SPEF2: variants seen among roughly 807,000 people sequenced by gnomAD.
SPEF2 encodes the protein sperm flagellar and cilia associated 2, also known as sperm flagella and cilia-associated protein 2.
Under a neutral mutation model 224.6 loss-of-function variants are expected in SPEF2, and 187 were observed. The ratio of observed to expected loss-of-function variants is 0.83; its 90% CI spans 0.74 to 0.94. The LOEUF (loss-of-function observed/expected upper bound fraction) is 0.94, where lower values mean the gene tolerates loss of function less well. SPEF2 is among the 40% of genes least tolerant of loss of function. The probability of loss-of-function intolerance (pLI) is 0.00; values close to 1 mark genes in which losing one functional copy is unlikely to be tolerated. For synonymous variants in SPEF2, 715 were observed against 707.3 expected (o/e 1.01, Z -0.17); for missense variants, 2,170 against 2,135.6 (o/e 1.02, Z -0.32).
intron 25 of SPEF2, 122 bp downstream of exon 25, chr5:35,759,841 C>A: frequency 1.0e-6 from 1 of 989,354 alleles, no homozygotes; most frequent in Non-Finnish European, 1.4e-6. Flanking sequence ...CAAAAAAGCT[C>A]TAATAACCAA....
rs576319777 is a variant in SPEF2 at position 35,691,084 on chromosome 5, A to G, written c.1572A>G (p.Leu524=). 3 of 1,614,064 alleles carry G rather than the reference A, an allele frequency of 1.9e-6. No homozygotes were observed. The highest frequency in any genetic ancestry group is 3.3e-5 in the Admixed American group (2 of 60,010). ...WALPEEMVDN[L]PPSNNCILGH... Reference sequence around the variant, plus strand: ...TACCAGAAGAAATGGTTGACAATTTACCACCCTCCAACAATTGCATACTGG... The same window carrying G: ...TACCAGAAGAAATGGTTGACAATTTGCCACCCTCCAACAATTGCATACTGG... The change falls in exon 11 of 37, where the codon TTA becomes TTG. Residue 524 remains leucine, a synonymous_variant. Transcript: ENST00000356031.
At chr5:35,782,768 A>G (rs1372080628) in intron 30 of SPEF2, among the ~76,000 whole-genome samples, 1 of 151,572 alleles carries the variant, frequency 6.6e-6, no homozygotes, top group East Asian at 1.9e-4. Context: ...AGCCCTTACT[A>G]AAGATAACAT....
At position 35,697,322 on chromosome 5, in the gene SPEF2, T is replaced by G. The variant is rs569865679; in HGVS notation, c.2038-368T>G. ...AATTTGACCATGGAAAGATGAGAAC[T>G]TCACTGGTCAAGGGCCATGTTTATA... On this transcript the variant is annotated intron_variant, in intron 14 of 36. Transcript: ENST00000356031. Among the ~76,000 whole-genome samples, 14 of 152,284 alleles carry G rather than the reference T, an allele frequency of 9.2e-5. No individual in the cohort carries two copies. The South Asian group carries it at 2.9e-3, about 32-fold the overall frequency.
intron 1 of SPEF2, among the ~76,000 whole-genome samples, chr5:35,621,920 T>G (rs542183031): frequency 6.6e-6 from 1 of 152,314 alleles, no homozygotes; most frequent in East Asian, 1.9e-4. Flanking sequence ...CCTACAGTAC[T>G]TAGGGAAGCC....
In SPEF2 at chr5:35,806,775, A is replaced by G; in HGVS notation, c.5079A>G (p.Glu1693=). The stretch of plus-strand genomic sequence containing the variant: ...CTGAGGAAAATGCTGCAAGAGAAGA[A>G]AGGAAATTAAAAGACGACACGGAGA... ...PEPEENAARE[E]RKLKDDTEKR... is the part of the protein sequence containing the mutation. Residue 1693 remains glutamate (E), a synonymous_variant, in exon 35 of 37, where the codon GAA becomes GAG. Coordinates refer to ENST00000356031, the MANE Select transcript of SPEF2 (RefSeq NM_024867.4). The G allele has an allele frequency of 1.2e-6, 2 of 1,614,046 alleles. No individual in the cohort carries two copies. Among genetic ancestry groups the G allele is most frequent in the Non-Finnish European group, 1.7e-6 (2 of 1,179,970 alleles).
intron 36 of SPEF2, 54 bp downstream of exon 36, chr5:35,807,307 C>G (rs1561396280): frequency 4.5e-6 from 7 of 1,567,458 alleles, no homozygotes; most frequent in Non-Finnish European, 3.4e-6. Context: ...TCAGGACATG[C>G]TAGGATGTTT....
At chr5:35,670,674 T>C (rs1475411269) in intron 10 of SPEF2, 1 of 985,684 alleles carries the variant, frequency 1.0e-6, no homozygotes, top group East Asian at 1.1e-4. Context: ...ATTCAAACAA[T>C]CTTTTATTCA....
intron 24 of SPEF2, among the ~76,000 whole-genome samples, chr5:35,755,634 A>G (rs183821650): frequency 2.0e-5 from 3 of 152,212 alleles, no homozygotes; most frequent in African/African-American, 7.2e-5. Context: ...CTTCACAACA[A>G]GTTTTCACTC....
intron 23 of SPEF2, among the ~76,000 whole-genome samples, chr5:35,749,902 A>G (rs1226200055): frequency 6.6e-6 from 1 of 152,120 alleles, no homozygotes; most frequent in East Asian, 1.9e-4. Context: ...CCAAAGCAAG[A>G]CTAAGCAAAA....
In SPEF2 at chr5:35,806,824, A is replaced by G. The variant is rs770259876; in HGVS notation, c.5128A>G (p.Ile1710Val). Residue 1710 changes from isoleucine to valine, a missense_variant, in exon 35 of 37, where the codon ATC (isoleucine) becomes GTC (valine). By Grantham distance (29) the Ile-to-Val change is conservative. Transcript: ENST00000356031. The part of the protein sequence containing the change: ...TEKREQKDEE[I>V]PENANNEKMS... ...GAAAAGGGAACAGAAGGATGAAGAAATCCCTGAAAATGCAAACAATGAAAA... is the reference window on the plus strand; with the variant it reads ...GAAAAGGGAACAGAAGGATGAAGAAGTCCCTGAAAATGCAAACAATGAAAA... 1.2e-6 allele frequency: 2 copies of G among 1,614,094 alleles called. No homozygotes were observed. The highest frequency in any genetic ancestry group is 3.3e-5 in the Admixed American group (2 of 60,000).
At chr5:35,789,709 A>G in intron 30 of SPEF2, 1 of 654,890 alleles carries the variant, frequency 1.5e-6, no homozygotes, top group Non-Finnish European at 2.7e-6. Flanking sequence ...AATCAAGGTA[A>G]TCTATATGTG....
At position 35,659,085 on chromosome 5, in the gene SPEF2, G is replaced by A. The variant is rs370626021; in HGVS notation, c.1045G>A (p.Ala349Thr). The A allele has an allele frequency of 4.3e-6, 7 of 1,612,044 alleles. No homozygotes were observed. The African/African-American group carries it at 6.7e-5, about 15-fold the overall frequency. ...MRQSQQERRI[A>T]VQLMHVRHEK... ...GCAGTCCCAGCAGGAGCGCAGGATTGCCGTGCAGCTCATGCATGTTCGGCA... is the reference window on the plus strand; with the variant it reads ...GCAGTCCCAGCAGGAGCGCAGGATTACCGTGCAGCTCATGCATGTTCGGCA... The change falls in exon 8 of 37, where the codon GCC becomes ACC. Residue 349 changes from alanine (A) to threonine (T), a missense_variant. By Grantham distance (58) the Ala-to-Thr change is moderately conservative (BLOSUM62 0). Coordinates refer to ENST00000356031, the MANE Select transcript of SPEF2 (RefSeq NM_024867.4).
chr5:35,702,109 G>C, intron 16 of SPEF2: 1 of 411,602 alleles, frequency 2.4e-6, no homozygotes. Flanking sequence ...AGCCAAGGGA[G>C]GACAAATCTT....
chr5:35,811,101 AT>A (rs1048532387), intron 36 of SPEF2, among the ~76,000 whole-genome samples: 2 of 145,780 alleles, frequency 1.4e-5, no homozygotes, highest in African/African-American at 5.2e-5. Flanking sequence ...AAAAAAAAAA[AT>A]AATAAATAAT....
chr5:35,682,075 G>A (rs745841274), intron 10 of SPEF2, among the ~76,000 whole-genome samples: 15 of 152,190 alleles, frequency 9.9e-5, no homozygotes, highest in Non-Finnish European at 1.5e-4. Context: ...CTGTGCCAAG[G>A]GAAAGTGGTG....
Position 35,667,244 on chromosome 5 carries a change from G to A in SPEF2, c.1340G>A (p.Arg447Gln), listed in dbSNP as rs34852821. The A allele has an allele frequency of 1.3e-3, 2,125 of 1,597,326 alleles. 30 individuals are homozygous for A. In the African/African-American group the frequency reaches 0.026, roughly 19 times the overall value. ...TTGTCCACTAAAGTGGCAGACTATCGAATGTTGACAAATAAGTAAGTATTT... is the reference window on the plus strand; with the variant it reads ...TTGTCCACTAAAGTGGCAGACTATCAAATGTTGACAAATAAGTAAGTATTT... Reference protein sequence around the residue: ...VDLSTKVADYRMLTNNLIPYK... With the variant: ...VDLSTKVADYQMLTNNLIPYK... The change falls in exon 9 of 37, where the codon CGA becomes CAA. Residue 447 changes from arginine to glutamine, a missense_variant. By Grantham distance (43) the Arg-to-Gln change is conservative. Transcript: ENST00000356031.
At chr5:35,791,831 G>A (rs4361545) in intron 30 of SPEF2, among the ~76,000 whole-genome samples, 145,019 of 152,162 alleles carry the variant, frequency 0.95, 69,411 homozygotes, top group Non-Finnish European at 1. Context: ...TAATTTAACA[G>A]TTCAAATTTC....
rs182707690 is a variant in SPEF2 at position 35,701,762 on chromosome 5, C to T, written c.2398+1010C>T. Among the ~76,000 whole-genome samples, 31 of 152,192 alleles carry T rather than the reference C, an allele frequency of 2.0e-4. No homozygotes were observed. The East Asian group carries it at 2.5e-3, about 12-fold the overall frequency. ...TGTAAAAAAGATGATTTGAAATACTCGAGCCCAGGAGTTTGAGATCAGCCT... is the reference window on the plus strand; with the variant it reads ...TGTAAAAAAGATGATTTGAAATACTTGAGCCCAGGAGTTTGAGATCAGCCT... On this transcript the variant is annotated intron_variant, in intron 16 of 36. Coordinates refer to ENST00000356031, the MANE Select transcript of SPEF2 (RefSeq NM_024867.4).
chr5:35,789,912 A>G, intron 30 of SPEF2: 1 of 703,020 alleles, frequency 1.4e-6, no homozygotes, highest in Non-Finnish European at 2.6e-6. Context: ...TTGAAATTAG[A>G]GATTTATGCC....
Sources: allele counts gnomAD v4.1 joint callset (sites outside exome capture counted in the v4.1 genomes callset), GRCh38; gene constraint gnomAD v4.1.1; transcripts MANE v1.5; gene names NCBI Gene and HGNC (gene_info 2026-07-23, HGNC 2026-07-21).